Variants in PCDHGC5 observed in about 807,000 individuals in gnomAD.
PCDHGC5 encodes protocadherin gamma-C5.
PCDHGC5 carries 25 observed loss-of-function variants against 59.0 expected under a neutral mutation model. The ratio of observed to expected loss-of-function variants is 0.42; its 90% confidence interval spans 0.31 to 0.59. The LOEUF is 0.59. Ranked by LOEUF, PCDHGC5 falls within the 20% of genes least tolerant of loss-of-function variation. PCDHGC5 has a pLI of 0.13. For missense variants in PCDHGC5, 1,067 were observed against 1,206.4 expected, an observed-to-expected ratio of 0.88 and a Z score of 1.71; for synonymous variants, 434 against 505.5, an observed-to-expected ratio of 0.86 and a Z score of 1.90.
Position 141,490,869 on chromosome 5 carries a change from A to AT in PCDHGC5, c.1631dup (p.Leu544PhefsTer16). 1.2e-6 allele frequency: 2 copies of AT among 1,613,902 alleles called. No individual in the cohort carries two copies. Among genetic ancestry groups the AT allele is most frequent in the Non-Finnish European group, 8.5e-7 (1 of 1,179,954 alleles). ...GGGTTCGAGACTCCGGCTCTCCCCC[A>AT]TTGCATGCCAACACATCTCTGCATG... On this transcript the variant is annotated frameshift_variant, in exon 1 of 4. Coordinates refer to ENST00000252087, the MANE Select transcript of PCDHGC5 (RefSeq NM_018929.3). LOFTEE classifies it high-confidence loss of function. This position sits in a 1 kb window ranked among gnomAD's most constrained non-coding sequence, Gnocchi z 5.4.
intron 3 of PCDHGC5, among the ~76,000 whole-genome samples, chr5:141,506,363 C>T (rs1013247178): frequency 4.0e-5 from 6 of 150,792 alleles, no homozygotes; most frequent in South Asian, 4.2e-4. Context: ...GCAGGAGAAT[C>T]GCTTGAACCT....
intron 2 of PCDHGC5, among the ~76,000 whole-genome samples, chr5:141,495,119 C>T (rs1024197360): frequency 3.9e-5 from 6 of 152,182 alleles, no homozygotes; most frequent in African/African-American, 1.4e-4. Context: ...CTTTTCCTAT[C>T]CCCTGAGGGC....
intron 2 of PCDHGC5, among the ~76,000 whole-genome samples, chr5:141,502,866 C>CTTTTTCTT (rs2099816520): frequency 1.6e-5 from 2 of 128,030 alleles, no homozygotes; most frequent in African/African-American, 6.2e-5. Flanking sequence ...GACTCTCTGT[C>CTTTTTCTT]TTTTTTTTTT....
rs2154591169 is a variant in PCDHGC5 at position 141,493,606 on chromosome 5, T to A, written c.2461-1201T>A. Among the ~76,000 whole-genome samples, 1 of 152,278 alleles carries A rather than the reference T, an allele frequency of 6.6e-6. No homozygotes were observed. Among genetic ancestry groups the A allele is most frequent in the Non-Finnish European group, 1.5e-5 (1 of 68,022 alleles). ...ACAATCACTGCATTTCCATGTAGAT[T>A]CTGCTGTGTCTAAGAATACAGTGGC... On this transcript the variant is annotated intron_variant, in intron 1 of 3. Transcript: ENST00000252087. This position sits in a 1 kb window ranked among gnomAD's most constrained non-coding sequence, Gnocchi z 4.3.
Position 141,491,414 on chromosome 5 carries a change from G to A in PCDHGC5, c.2174G>A (p.Gly725Glu). The change falls in exon 1 of 4, where the codon GGG becomes GAG. Residue 725 changes from glycine to glutamate, a missense_variant. Coordinates refer to ENST00000252087, the MANE Select transcript of PCDHGC5 (RefSeq NM_018929.3). The surrounding 1 kb of genome is among the most constrained non-coding windows in gnomAD (Gnocchi z 6.9). ...CTTCAGGGAAACGCAGACGGGGACGGGGGTGGAGGGCAGTGCTGCAGGCGC... is the reference window on the plus strand; with the variant it reads ...CTTCAGGGAAACGCAGACGGGGACGAGGGTGGAGGGCAGTGCTGCAGGCGC... The part of the protein sequence containing the change: ...KCLQGNADGD[G>E]GGGQCCRRQD... 2 of 1,614,126 alleles carry A rather than the reference G, an allele frequency of 1.2e-6. No individual in the cohort carries two copies. Among genetic ancestry groups the A allele is most frequent in the Non-Finnish European group, 1.7e-6 (2 of 1,180,022 alleles).
Position 141,505,383 on chromosome 5 carries a change from C to T in PCDHGC5, c.2520-10C>T, listed in dbSNP as rs369765886. On this transcript the variant is annotated splice_polypyrimidine_tract_variant and intron_variant, in intron 2 of 3. Coordinates refer to ENST00000252087, the MANE Select transcript of PCDHGC5 (RefSeq NM_018929.3). Reference sequence around the variant, plus strand: ...GGGAGTCTGTGCTCACCATCCTACTCTCTCCCCAGCTCCCAAAATGGCGAT... The same window carrying T: ...GGGAGTCTGTGCTCACCATCCTACTTTCTCCCCAGCTCCCAAAATGGCGAT... The T allele has an allele frequency of 1.2e-6, 2 of 1,613,944 alleles. No individual in the cohort carries two copies. Among genetic ancestry groups the T allele is most frequent in the African/African-American group, 2.7e-5 (2 of 74,914 alleles).
At chr5:141,502,483 G>A (rs773081419) in intron 2 of PCDHGC5, among the ~76,000 whole-genome samples, 42 of 152,144 alleles carry the variant, frequency 2.8e-4, no homozygotes, top group Non-Finnish European at 4.7e-4. Context: ...GCATCACACT[G>A]GGACTCATCT....
intron 2 of PCDHGC5, among the ~76,000 whole-genome samples, chr5:141,500,768 A>C (rs2099802446): frequency 6.6e-6 from 1 of 152,180 alleles, no homozygotes; most frequent in African/African-American, 2.4e-5. Flanking sequence ...AACTCCTCTT[A>C]TGAATATACA....
intron 2 of PCDHGC5, among the ~76,000 whole-genome samples, chr5:141,503,398 C>A (rs1374324008): frequency 6.6e-6 from 1 of 151,784 alleles, no homozygotes; most frequent in African/African-American, 2.4e-5. Flanking sequence ...AGTTCGAAAC[C>A]AACCTGGCCA....
chr5:141,511,233 TACCTGC>T lies in PCDHGC5; in HGVS notation c.*64_*69del. 4 of 1,595,428 alleles carry T rather than the reference TACCTGC, an allele frequency of 2.5e-6. No individual in the cohort carries two copies. The highest frequency in any genetic ancestry group is 3.4e-6 in the Non-Finnish European group (4 of 1,170,894). ...CTCCCCAACCAGCCCAGCTTCTCCT[TACCTGC>T]ACCCAGGCCTCAGAGTTTCAGGGCT... On this transcript the variant is annotated 3_prime_UTR_variant, in exon 4 of 4. Transcript: ENST00000252087.
Position 141,503,989 on chromosome 5 carries a change from C to T in PCDHGC5, c.2520-1404C>T, listed in dbSNP as rs534696225. Among the ~76,000 whole-genome samples the T allele has an allele frequency of 2.6e-5, 4 of 152,312 alleles. No individual in the cohort carries two copies. The South Asian group carries it at 8.3e-4, about 32-fold the overall frequency. On this transcript the variant is annotated intron_variant, in intron 2 of 3. Transcript: ENST00000252087. ...CATGGTGCCAAACCCTTCTTCTTAC[C>T]TTACAGTCACTTAACTGTCTCTGCT...
At position 141,491,291 on chromosome 5, in the gene PCDHGC5, C is replaced by G; in HGVS notation, c.2051C>G (p.Pro684Arg). The change falls in exon 1 of 4, where the codon CCT (proline) becomes CGT (arginine). Residue 684 changes from proline to arginine, a missense_variant. Pro to Arg is a moderately radical substitution (Grantham distance 103). Coordinates refer to ENST00000252087, the MANE Select transcript of PCDHGC5 (RefSeq NM_018929.3). The surrounding 1 kb of genome is among the most constrained non-coding windows in gnomAD (Gnocchi z 6.9). ...AAATCCAGTGACTTCCTCATACACCCTCCTGAGCGTTCAGACCTTACCCTT... is the reference window on the plus strand; with the variant it reads ...AAATCCAGTGACTTCCTCATACACCGTCCTGAGCGTTCAGACCTTACCCTT... ...MPKSSDFLIHPPERSDLTLYL... is the reference protein window; with the variant it reads ...MPKSSDFLIHRPERSDLTLYL... 2 of 1,614,152 alleles carry G rather than the reference C, an allele frequency of 1.2e-6. No homozygotes were observed. The highest frequency in any genetic ancestry group is 1.7e-6 in the Non-Finnish European group (2 of 1,179,974).
chr5:141,490,143 A>G lies in PCDHGC5; in HGVS notation c.903A>G (p.Ala301=). The change falls in exon 1 of 4, where the codon GCA becomes GCG. Residue 301 remains alanine, a synonymous_variant. Transcript: ENST00000252087. The surrounding 1 kb of genome is among the most constrained non-coding windows in gnomAD (Gnocchi z 5.4). ...NLFGLDPSSG[A]IHVLGPIDFE... ...TTGGCCTAGACCCTAGCAGTGGGGC[A>G]ATCCATGTGTTGGGTCCCATAGACT... is the stretch of plus-strand genomic sequence containing the variant. 1 of 1,614,234 alleles carries G rather than the reference A, an allele frequency of 6.2e-7. No homozygotes were observed. The highest frequency in any genetic ancestry group is 8.5e-7 in the Non-Finnish European group (1 of 1,180,034).
chr5:141,492,296 G>GACGC lies in PCDHGC5; in HGVS notation c.2460+607_2460+610dup, dbSNP rs540417011. 9.7e-4 allele frequency among the ~76,000 whole-genome samples: 148 copies of GACGC among 152,328 alleles called. 2 individuals are homozygous for GACGC. In the South Asian group the frequency reaches 0.014, roughly 14 times the overall value. ...GCCACGCCCCGCCAACACGTGCGCGGACGCACGCACGCACTCCTCGCACGT... is the reference window on the plus strand; with the variant it reads ...GCCACGCCCCGCCAACACGTGCGCGGACGCACGCACGCACGCACTCCTCGCACGT... On this transcript the variant is annotated intron_variant, in intron 1 of 3. Transcript: ENST00000252087.
In PCDHGC5 at chr5:141,496,208, G is replaced by T. The variant is rs530974273; in HGVS notation, c.2519+1343G>T. On this transcript the variant is annotated intron_variant, in intron 2 of 3. Coordinates refer to ENST00000252087, the MANE Select transcript of PCDHGC5 (RefSeq NM_018929.3). Reference sequence around the variant, plus strand: ...CCAGCTGCTCATTTCAATCTGGTATGAATTCCTGCTGAGACAGGAACCCCC... The same window carrying T: ...CCAGCTGCTCATTTCAATCTGGTATTAATTCCTGCTGAGACAGGAACCCCC... Among the ~76,000 whole-genome samples, 13 of 152,222 alleles carry T rather than the reference G, an allele frequency of 8.5e-5. No homozygotes were observed. In the East Asian group the frequency reaches 2.3e-3, roughly 27 times the overall value.
chr5:141,491,571 C>CT lies in PCDHGC5; in HGVS notation c.2335dup (p.Ser779PhefsTer8). On this transcript the variant is annotated frameshift_variant, in exon 1 of 4. Coordinates refer to ENST00000252087, the MANE Select transcript of PCDHGC5 (RefSeq NM_018929.3). LOFTEE classifies it high-confidence loss of function. The surrounding 1 kb of genome is among the most constrained non-coding windows in gnomAD (Gnocchi z 6.9). ...CGCAGAGCCACTGCTACAGGACGTG[C>CT]TTTTCACCGGCCTCGGACGGCAGTG... 6.2e-7 allele frequency: 1 copy of CT among 1,614,026 alleles called. No homozygotes were observed. Among genetic ancestry groups the CT allele is most frequent in the Non-Finnish European group, 8.5e-7 (1 of 1,180,042 alleles).
Position 141,503,010 on chromosome 5 carries a change from AT to A in PCDHGC5, c.2520-2371del, listed in dbSNP as rs199924715. ...AGGCGTGTGCCACCATGCCCGGTTA[AT>A]TTTTTTTTTTTAATATCTATTTTAG... On this transcript the variant is annotated intron_variant, in intron 2 of 3. Coordinates refer to ENST00000252087, the MANE Select transcript of PCDHGC5 (RefSeq NM_018929.3). Among the ~76,000 whole-genome samples the A allele has an allele frequency of 6.8e-3, 997 of 146,562 alleles. 9 individuals are homozygous for A. The highest frequency in any genetic ancestry group is 0.023 in the African/African-American group (916 of 39,838).
rs532907359 is a variant in PCDHGC5, at chr5:141,500,353, C to T, written c.2520-5040C>T. 1.9e-4 allele frequency among the ~76,000 whole-genome samples: 29 copies of T among 152,052 alleles called. No homozygotes were observed. The East Asian group carries it at 5.2e-3, about 27-fold the overall frequency. The stretch of plus-strand genomic sequence containing the variant: ...CCTCCAGAATAGCTGGGACTACAGG[C>T]GCCCACTACCACGCCCGGCTAATTA... On this transcript the variant is annotated intron_variant, in intron 2 of 3. Transcript: ENST00000252087.
rs1264688160 is a variant in PCDHGC5, at chr5:141,493,193, G to A, written c.2460+1493G>A. 6.6e-6 allele frequency among the ~76,000 whole-genome samples: 1 copy of A among 152,128 alleles called. No individual in the cohort carries two copies. On this transcript the variant is annotated intron_variant, in intron 1 of 3. Transcript: ENST00000252087. This position sits in a 1 kb window ranked among gnomAD's most constrained non-coding sequence, Gnocchi z 4.3. ...GAGAAACTTACTATATAACTCCTTT[G>A]AGAACCTCATCTCATTTGCTCTTCC...
Sources: allele counts gnomAD v4.1 joint callset (sites outside exome capture counted in the v4.1 genomes callset), GRCh38; gene constraint gnomAD v4.1.1; non-coding constraint Gnocchi (gnomAD v3.1); transcripts MANE v1.5; gene names NCBI Gene and HGNC (gene_info 2026-07-23, HGNC 2026-07-21).